ATP8A2: variants seen among roughly 807,000 people sequenced by gnomAD.
The protein encoded by ATP8A2 is ATPase phospholipid transporting 8A2, also known as phospholipid-transporting ATPase IB.
ATP8A2 carries 100 observed loss-of-function variants against 165.6 expected under a neutral mutation model. The observed-to-expected ratio is 0.60, with a 90% confidence interval of 0.51 to 0.71. The LOEUF is 0.71. Among genes scored for constraint, ATP8A2 ranks in the 30% least tolerant of loss-of-function variants. The pLI is 0.00. For synonymous variants in ATP8A2, 543 were observed against 548.8 expected (o/e 0.99, Z 0.15); for missense variants, 1,227 against 1,479.5 (o/e 0.83, Z 2.80).
intron 24 of ATP8A2, among the ~76,000 whole-genome samples, chr13:25,630,069 AC>A (rs1286724420): frequency 1.7e-5 from 2 of 118,746 alleles, no homozygotes; most frequent in Non-Finnish European, 3.4e-5. Context: ...TGTTTAAGAC[AC>A]CTTTTTGTCC....
chr13:25,465,837 T>C (rs931121417), intron 1 of ATP8A2, among the ~76,000 whole-genome samples: 41 of 148,386 alleles, frequency 2.8e-4, no homozygotes, highest in African/African-American at 9.4e-4. Flanking sequence ...TTGCCTAGGC[T>C]GGACTCGAAC....
intron 25 of ATP8A2, among the ~76,000 whole-genome samples, chr13:25,707,183 A>G (rs1391525362): frequency 6.6e-6 from 1 of 152,244 alleles, no homozygotes; most frequent in Non-Finnish European, 1.5e-5. Flanking sequence ...AATCTAAAGT[A>G]GGAAAAGGAA....
chr13:25,706,855 A>C (rs1467070826), intron 25 of ATP8A2, among the ~76,000 whole-genome samples: 3 of 152,136 alleles, frequency 2.0e-5, no homozygotes, highest in African/African-American at 7.2e-5. Flanking sequence ...TTAAGGTAGA[A>C]TTCACTTTTA....
chr13:25,827,594 CAT>C (rs1258279542), intron 27 of ATP8A2, among the ~76,000 whole-genome samples: 2 of 152,182 alleles, frequency 1.3e-5, no homozygotes, highest in Admixed American at 1.3e-4. Context: ...ATGATTTGAA[CAT>C]GTTTCTTTTA....
At chr13:25,768,075 G>A (rs1002580828) in intron 25 of ATP8A2, among the ~76,000 whole-genome samples, 2 of 130,876 alleles carry the variant, frequency 1.5e-5, no homozygotes, top group Admixed American at 7.6e-5. Flanking sequence ...GTGTGGTGGC[G>A]TGGGGGGGGG....
chr13:25,839,062 A>G (rs1951695043), intron 29 of ATP8A2, among the ~76,000 whole-genome samples: 1 of 152,248 alleles, frequency 6.6e-6, no homozygotes, highest in Non-Finnish European at 1.5e-5. Context: ...CAAAAGAGTG[A>G]GAATGCCATG....
intron 30 of ATP8A2, among the ~76,000 whole-genome samples, chr13:25,849,027 G>T (rs981645954): frequency 6.6e-6 from 1 of 152,128 alleles, no homozygotes; most frequent in South Asian, 2.1e-4. Flanking sequence ...GCGGGGGCTG[G>T]CTCAGTTAAT....
At chr13:25,844,140 C>T (rs1951807300) in intron 30 of ATP8A2, among the ~76,000 whole-genome samples, 1 of 152,014 alleles carries the variant, frequency 6.6e-6, no homozygotes, top group South Asian at 2.1e-4. Context: ...GGGATAAAGA[C>T]TGTAAGCACC....
intron 24 of ATP8A2, among the ~76,000 whole-genome samples, chr13:25,638,638 C>G (rs1365775776): frequency 3.3e-5 from 5 of 152,024 alleles, no homozygotes; most frequent in South Asian, 4.2e-4. Context: ...GATTGGTGTA[C>G]CTGAAAGTGA....
chr13:25,989,220 AC>A (rs112181222), intron 35 of ATP8A2, among the ~76,000 whole-genome samples: 2,682 of 152,296 alleles, frequency 0.018, 78 homozygotes, highest in African/African-American at 0.06. Flanking sequence ...TATTGTCCAG[AC>A]CTAGACCCTG....
At chr13:25,503,132 A>G (rs1415005936) in intron 2 of ATP8A2, among the ~76,000 whole-genome samples, 3 of 152,146 alleles carry the variant, frequency 2.0e-5, no homozygotes, top group African/African-American at 7.2e-5. Flanking sequence ...AAGAGACACG[A>G]GCTGCCACCT....
At chr13:25,490,718 GTTTT>G (rs1566179730) in intron 2 of ATP8A2, among the ~76,000 whole-genome samples, 19 of 8,550 alleles carry the variant, frequency 2.2e-3, no homozygotes, top group Middle Eastern at 0.12. Flanking sequence ...CTACTAATTA[GTTTT>G]TTTGTTTTTT....
intron 33 of ATP8A2, among the ~76,000 whole-genome samples, chr13:25,950,006 G>T (rs1213877466): frequency 6.6e-6 from 1 of 152,034 alleles, no homozygotes; most frequent in Non-Finnish European, 1.5e-5. Flanking sequence ...CACCATGTTG[G>T]CCAGGCTGAT....
rs138450537 is a variant in ATP8A2 at position 25,607,144 on chromosome 13, C to G, written c.2211+17445C>G. On this transcript the variant is annotated intron_variant, in intron 24 of 36. Transcript: ENST00000381655. ...CTCCTTATGAAAATTTAACTAATGC[C>G]CGATGATCTGAGGTGGAACAGTTTC... is the stretch of plus-strand genomic sequence containing the variant. Among the ~76,000 whole-genome samples, 175 of 152,236 alleles carry G rather than the reference C, an allele frequency of 1.1e-3. 1 individual carries two copies. Among genetic ancestry groups the G allele is most frequent in the African/African-American group, 4.0e-3 (165 of 41,530 alleles).
chr13:25,985,725 G>A (rs1055714713), intron 35 of ATP8A2, among the ~76,000 whole-genome samples: 8 of 152,202 alleles, frequency 5.3e-5, no homozygotes, highest in Middle Eastern at 3.2e-3. Context: ...CAGTGGAGAG[G>A]GTGTGTTTGC....
intron 33 of ATP8A2, among the ~76,000 whole-genome samples, chr13:25,927,714 G>A (rs1418666938): frequency 6.6e-6 from 1 of 152,174 alleles, no homozygotes; most frequent in Admixed American, 6.5e-5. Context: ...AAAAAGAATT[G>A]GCACATTGAA....
intron 1 of ATP8A2, among the ~76,000 whole-genome samples, chr13:25,420,595 C>T (rs1218933801): frequency 1.3e-5 from 2 of 152,222 alleles, no homozygotes; most frequent in African/African-American, 4.8e-5. Context: ...ATAGCTAATG[C>T]ATGCAGGGCT....
intron 25 of ATP8A2, among the ~76,000 whole-genome samples, chr13:25,721,015 G>C (rs2043369170): frequency 6.7e-6 from 1 of 150,104 alleles, no homozygotes; most frequent in Non-Finnish European, 1.5e-5. Flanking sequence ...ATCCAGGCTG[G>C]AGTGCAGTGA....
chr13:25,529,365 T>A (rs1269067539), intron 2 of ATP8A2, among the ~76,000 whole-genome samples: 1 of 152,200 alleles, frequency 6.6e-6, no homozygotes, highest in Non-Finnish European at 1.5e-5. Flanking sequence ...TAATCTGTTC[T>A]GGGGATAGAT....
Sources: gnomAD v4.1 joint callset for allele counts (sites outside exome capture counted in the v4.1 genomes callset) on GRCh38, gnomAD v4.1.1 for gene constraint, MANE v1.5 for transcripts, NCBI Gene and HGNC (gene_info 2026-07-23, HGNC 2026-07-21) for gene names.